CUX2: variants seen among roughly 807,000 people sequenced by gnomAD.
The protein encoded by CUX2 is homeobox protein cut-like 2.
Under a neutral mutation model 144.8 loss-of-function variants are expected in CUX2, and 40 were observed. The observed-to-expected ratio is 0.28, with a 90% CI of 0.21 to 0.36. CUX2 has a LOEUF of 0.36. Ranked by LOEUF, CUX2 falls within the 10% of genes least tolerant of loss-of-function variation. CUX2 has a pLI of 1.00. For synonymous variants in CUX2, 827 were observed against 875.6 expected (o/e 0.94, Z 0.98); for missense variants, 1,615 against 1,994.0 (o/e 0.81, Z 3.62).
At chr12:111,113,913 C>A (rs1456648384) in intron 1 of CUX2, among the ~76,000 whole-genome samples, 1 of 152,172 alleles carries the variant, frequency 6.6e-6, no homozygotes, top group Non-Finnish European at 1.5e-5. Context: ...TTGCAAGTAT[C>A]TGTAGTTTTT....
At chr12:111,166,701 C>G (rs375059669) in intron 1 of CUX2, among the ~76,000 whole-genome samples, 1 of 152,160 alleles carries the variant, frequency 6.6e-6, no homozygotes, top group Non-Finnish European at 1.5e-5. Context: ...AGAGGCTAAA[C>G]GTGGAAGGGG....
intron 3 of CUX2, among the ~76,000 whole-genome samples, chr12:111,241,578 A>C (rs1395771341): frequency 6.6e-6 from 1 of 152,276 alleles, no homozygotes; most frequent in East Asian, 1.9e-4. Context: ...TCCCTGTGAA[A>C]GGGGAGCACC....
rs1049119821 is a variant in CUX2, at chr12:111,320,161, C to T, written c.2152C>T (p.Pro718Ser). ...GGCGCTGCTGGAGATGGAGGTGGCG[C>T]CCAGGGGCCGCTCGGTGCCCCCCTC... ...QQALLEMEVA[P>S]RGRSVPPSPP... The change falls in exon 17 of 22, where the codon CCC (proline) becomes TCC (serine). Residue 718 changes from proline (P) to serine (S), a missense_variant. By Grantham distance (74) the Pro-to-Ser change is moderately conservative. Coordinates refer to ENST00000261726, the MANE Select transcript of CUX2 (RefSeq NM_015267.4). This position sits in a 1 kb window ranked among gnomAD's most constrained non-coding sequence, Gnocchi z 8.1. 1.0e-5 allele frequency: 16 copies of T among 1,543,284 alleles called. No homozygotes were observed. In the African/African-American group the frequency reaches 1.9e-4, roughly 19 times the overall value.
At chr12:111,175,254 C>A (rs1878774102) in intron 1 of CUX2, among the ~76,000 whole-genome samples, 1 of 152,026 alleles carries the variant, frequency 6.6e-6, no homozygotes, top group South Asian at 2.1e-4. Flanking sequence ...TCAGTAAAGA[C>A]CCATTTGCCT....
chr12:111,284,961 G>C (rs560771592), intron 4 of CUX2, among the ~76,000 whole-genome samples: 13 of 152,236 alleles, frequency 8.5e-5, no homozygotes, highest in African/African-American at 2.6e-4. Context: ...GTTGCTTCCT[G>C]GCCAGGCTGC....
At chr12:111,181,965 G>T (rs1879206622) in intron 1 of CUX2, among the ~76,000 whole-genome samples, 1 of 152,166 alleles carries the variant, frequency 6.6e-6, no homozygotes, top group South Asian at 2.1e-4. Context: ...ATTCATGGGG[G>T]GTGCAAGGAC....
At chr12:111,318,159 G>C (rs755889267) in intron 16 of CUX2, among the ~76,000 whole-genome samples, 31 of 151,056 alleles carry the variant, frequency 2.1e-4, no homozygotes, top group Non-Finnish European at 4.0e-4. Flanking sequence ...CTGCCACCTC[G>C]ACCTCCCAGG....
intron 4 of CUX2, among the ~76,000 whole-genome samples, chr12:111,274,837 G>A (rs1435445082): frequency 1.3e-5 from 2 of 151,934 alleles, no homozygotes; most frequent in Admixed American, 6.6e-5. Context: ...ACAGCCTCTC[G>A]GACAGCCTTT....
In CUX2 at chr12:111,322,900, C is replaced by T. The variant is rs1428697343; in HGVS notation, c.2926+320C>T. On this transcript the variant is annotated intron_variant, in intron 18 of 21. Transcript: ENST00000261726. The surrounding 1 kb of genome is among the most constrained non-coding windows in gnomAD (Gnocchi z 4.2). ...AATGTGTTTTGCATGTGGAGTCCCA[C>T]ATCTGGAATTGCTCATCGATCTCAG... Among the ~76,000 whole-genome samples, 1 of 152,236 alleles carries T rather than the reference C, an allele frequency of 6.6e-6. No individual in the cohort carries two copies. The highest frequency in any genetic ancestry group is 1.9e-4 in the East Asian group (1 of 5,198).
intron 1 of CUX2, among the ~76,000 whole-genome samples, chr12:111,162,434 G>A (rs1877837318): frequency 6.6e-6 from 1 of 152,220 alleles, no homozygotes. Context: ...GTGGGCTAAA[G>A]CCCATGTTGG....
At chr12:111,323,871 A>T (rs999894684) in intron 18 of CUX2, among the ~76,000 whole-genome samples, 1 of 152,194 alleles carries the variant, frequency 6.6e-6, no homozygotes, top group African/African-American at 2.4e-5. Context: ...AGCCTTGGCA[A>T]CATGGCGAAA....
At chr12:111,200,984 GT>G (rs1274557277) in intron 1 of CUX2, among the ~76,000 whole-genome samples, 1 of 152,162 alleles carries the variant, frequency 6.6e-6, no homozygotes, top group Admixed American at 6.5e-5. Context: ...TTAAACAATA[GT>G]GGGGCAGGGG....
chr12:111,150,198 C>T (rs1052685976), intron 1 of CUX2, among the ~76,000 whole-genome samples: 1 of 152,198 alleles, frequency 6.6e-6, no homozygotes, highest in Non-Finnish European at 1.5e-5. Flanking sequence ...TGCGAAGTGG[C>T]AAGACAGGGC....
chr12:111,050,685 A>G (rs1870220995), intron 1 of CUX2, among the ~76,000 whole-genome samples: 1 of 151,724 alleles, frequency 6.6e-6, no homozygotes, highest in South Asian at 2.1e-4. Context: ...TCCTACCTCC[A>G]TCTCCACCAT....
At chr12:111,163,641 C>A (rs1877927832) in intron 1 of CUX2, among the ~76,000 whole-genome samples, 1 of 152,190 alleles carries the variant, frequency 6.6e-6, no homozygotes, top group Non-Finnish European at 1.5e-5. Context: ...ATACCTGAAA[C>A]TACCTTGGCA....
At chr12:111,317,111 A>C (rs1476858048) in intron 16 of CUX2, among the ~76,000 whole-genome samples, 1 of 152,178 alleles carries the variant, frequency 6.6e-6, no homozygotes, top group Non-Finnish European at 1.5e-5. Flanking sequence ...ATTACTTTTT[A>C]ATTGGAAAAG....
chr12:111,059,405 G>A lies in CUX2; in HGVS notation c.63+25165G>A, dbSNP rs148552889. 2.7e-4 allele frequency among the ~76,000 whole-genome samples: 41 copies of A among 152,358 alleles called. No homozygotes were observed. Among genetic ancestry groups the A allele is most frequent in the Middle Eastern group, 6.8e-3 (2 of 294 alleles). Reference sequence around the variant, plus strand: ...GGCTAGGTGCCCCTGGCCCCAGCGAGGGGCTTCTTGGCAGAGATAGCCAGG... The same window carrying A: ...GGCTAGGTGCCCCTGGCCCCAGCGAAGGGCTTCTTGGCAGAGATAGCCAGG... On this transcript the variant is annotated intron_variant, in intron 1 of 21. Transcript: ENST00000261726. This position sits in a 1 kb window ranked among gnomAD's most constrained non-coding sequence, Gnocchi z 5.3.
chr12:111,207,894 C>A (rs1447333903), intron 1 of CUX2, among the ~76,000 whole-genome samples: 1 of 152,062 alleles, frequency 6.6e-6, no homozygotes, highest in African/African-American at 2.4e-5. Context: ...AGCTGACACA[C>A]AAAGAGATGA....
At chr12:111,214,576 C>A (rs934450559) in intron 2 of CUX2, among the ~76,000 whole-genome samples, 2 of 152,154 alleles carry the variant, frequency 1.3e-5, no homozygotes, top group Non-Finnish European at 2.9e-5. Context: ...CCCCAACATT[C>A]ATATCCAAGT....
Sources: allele counts gnomAD v4.1 joint callset (sites outside exome capture counted in the v4.1 genomes callset), GRCh38; gene constraint gnomAD v4.1.1; non-coding constraint Gnocchi (gnomAD v3.1); transcripts MANE v1.5; gene names NCBI Gene and HGNC (gene_info 2026-07-23, HGNC 2026-07-21).